Variants in RFX3 observed in about 807,000 individuals in gnomAD.
The protein encoded by RFX3 is regulatory factor X3.
Under a neutral mutation model 98.6 loss-of-function variants are expected in RFX3, and 14 were observed. That is an observed-to-expected ratio of 0.14 (90% CI 0.09 to 0.22). RFX3 has a LOEUF of 0.22. RFX3 is among the 10% of genes least tolerant of loss of function. RFX3 has a pLI of 1.00. For missense variants in RFX3, 639 were observed against 926.9 expected, an observed-to-expected ratio of 0.69 and a Z score of 4.03; for synonymous variants, 383 against 328.4, an observed-to-expected ratio of 1.17 and a Z score of -1.80.
chr9:3,466,794 G>C (rs1224814147), intron 1 of RFX3, among the ~76,000 whole-genome samples: 1 of 151,842 alleles, frequency 6.6e-6, no homozygotes, highest in African/African-American at 2.4e-5. Context: ...CGAAGTCAAA[G>C]ATATTAGATC....
At chr9:3,387,631 T>TA (rs1839861010) in intron 2 of RFX3, among the ~76,000 whole-genome samples, 3 of 152,022 alleles carry the variant, frequency 2.0e-5, no homozygotes, top group Admixed American at 2.0e-4. Context: ...CATTGTCTTT[T>TA]TTTTTTTCAA....
intron 2 of RFX3, among the ~76,000 whole-genome samples, chr9:3,374,002 CGA>C (rs1363707544): frequency 6.6e-6 from 1 of 151,932 alleles, no homozygotes; most frequent in African/African-American, 2.4e-5. Context: ...CGCTTGAACC[CGA>C]GAGGCAGAGG....
rs147937849 is a variant in RFX3 at position 3,413,586 on chromosome 9, G to A, written c.-8-17990C>T. On this transcript the variant is annotated intron_variant, in intron 1 of 16. Transcript: ENST00000617270. ...AAGAAAAATATCTAAAACTACTGCA[G>A]ATCCTAGACACAGTTTCTTTAAAGA... is the stretch of plus-strand genomic sequence containing the variant. 6.8e-3 allele frequency among the ~76,000 whole-genome samples: 1,039 copies of A among 152,154 alleles called. 11 individuals carry two copies. Among genetic ancestry groups the A allele is most frequent in the Admixed American group, 8.6e-3 (131 of 15,268 alleles).
At chr9:3,472,352 A>G (rs1377831615) in intron 1 of RFX3, among the ~76,000 whole-genome samples, 1 of 152,182 alleles carries the variant, frequency 6.6e-6, no homozygotes, top group East Asian at 1.9e-4. Context: ...TTCTTTCTTA[A>G]TTCAATTTTC....
intron 1 of RFX3, among the ~76,000 whole-genome samples, chr9:3,400,500 C>T (rs932031063): frequency 1.2e-4 from 19 of 152,184 alleles, no homozygotes; most frequent in African/African-American, 2.2e-4. Flanking sequence ...CAAATTACTG[C>T]TCATAGGTCT....
intron 2 of RFX3, among the ~76,000 whole-genome samples, chr9:3,353,671 T>C (rs146536945): frequency 9.9e-5 from 15 of 152,146 alleles, no homozygotes; most frequent in African/African-American, 3.6e-4. Context: ...CTTGACAATA[T>C]CTGAATTACA....
At chr9:3,487,318 A>T (rs1850361790) in intron 1 of RFX3, among the ~76,000 whole-genome samples, 1 of 152,228 alleles carries the variant, frequency 6.6e-6, no homozygotes, top group Non-Finnish European at 1.5e-5. Flanking sequence ...AGCCCAAGAC[A>T]TGCTATGTTT....
At chr9:3,371,223 C>G (rs886681585) in intron 2 of RFX3, among the ~76,000 whole-genome samples, 1 of 152,132 alleles carries the variant, frequency 6.6e-6, no homozygotes, top group African/African-American at 2.4e-5. Flanking sequence ...TGTCTCTGTT[C>G]ATAGTGCTAG....
At chr9:3,454,809 T>C (rs1032885629) in intron 1 of RFX3, among the ~76,000 whole-genome samples, 6 of 152,186 alleles carry the variant, frequency 3.9e-5, no homozygotes, top group Admixed American at 1.3e-4. Flanking sequence ...TATCAAATCA[T>C]CTAATCTCAA....
chr9:3,441,522 A>G (rs1375823929), intron 1 of RFX3, among the ~76,000 whole-genome samples: 3 of 152,144 alleles, frequency 2.0e-5, no homozygotes, highest in Non-Finnish European at 4.4e-5. Flanking sequence ...CATAGAAAAT[A>G]AAAGACTCGG....
At chr9:3,275,974 T>TA (rs1423325058) in intron 8 of RFX3, among the ~76,000 whole-genome samples, 6 of 152,044 alleles carry the variant, frequency 3.9e-5, no homozygotes, top group East Asian at 1.9e-4. Context: ...TTTAATTACA[T>TA]AAAAAAACGA....
chr9:3,366,694 CTTTCTTTCT>C (rs1837149747), intron 2 of RFX3, among the ~76,000 whole-genome samples: 1 of 8,304 alleles, frequency 1.2e-4, no homozygotes, highest in African/African-American at 3.3e-4. Context: ...TCTTTCTTTC[CTTTCTTTCT>C]TTCTTTCTTT....
chr9:3,494,352 G>C (rs541500501), intron 1 of RFX3, among the ~76,000 whole-genome samples: 5 of 152,170 alleles, frequency 3.3e-5, no homozygotes, highest in African/African-American at 9.6e-5. Flanking sequence ...ACTTTTGTTG[G>C]GATGTGTTAT....
intron 3 of RFX3, among the ~76,000 whole-genome samples, chr9:3,341,485 G>C (rs1327510660): frequency 6.6e-6 from 1 of 152,076 alleles, no homozygotes; most frequent in Non-Finnish European, 1.5e-5. Context: ...TTGTAATGTG[G>C]AGAAGCAAGT....
intron 1 of RFX3, among the ~76,000 whole-genome samples, chr9:3,504,363 T>C (rs1273844612): frequency 3.0e-5 from 4 of 133,380 alleles, no homozygotes; most frequent in Non-Finnish European, 6.1e-5. Context: ...ATATTGTATA[T>C]AAAATATATA....
intron 1 of RFX3, among the ~76,000 whole-genome samples, chr9:3,421,496 T>TA (rs1313177553): frequency 1.3e-5 from 2 of 152,220 alleles, no homozygotes; most frequent in Non-Finnish European, 2.9e-5. Flanking sequence ...TTTGTAAAAA[T>TA]ATATGACAGA....
At chr9:3,441,185 G>T (rs986571554) in intron 1 of RFX3, among the ~76,000 whole-genome samples, 1 of 152,082 alleles carries the variant, frequency 6.6e-6, no homozygotes, top group African/African-American at 2.4e-5. Flanking sequence ...CTCATTGTTG[G>T]ATAGAGACAT....
intron 1 of RFX3, among the ~76,000 whole-genome samples, chr9:3,423,752 A>G (rs1843658478): frequency 7.1e-6 from 1 of 140,678 alleles, no homozygotes; most frequent in African/African-American, 2.6e-5. Context: ...AAAAGGGTAT[A>G]TTTCATTTTA....
rs1817233789 is a variant in RFX3 at position 3,219,478 on chromosome 9, AG to A, written c.*5563del. 1 of 151,632 alleles carries A rather than the reference AG, an allele frequency of 6.6e-6. No homozygotes were observed. Among genetic ancestry groups the A allele is most frequent in the Non-Finnish European group, 1.5e-5 (1 of 67,920 alleles). 9.4% of individuals were successfully genotyped at this position (151,632 alleles called of 1,614,324 possible). On this transcript the variant is annotated 3_prime_UTR_variant, in exon 17 of 17. Transcript: ENST00000617270. ...AAAAAAAAAACAAAGGAAAGAGGGG[AG>A]AAAAAGAATCAAACCAGAACCAAAT...
Sources: allele counts gnomAD v4.1 joint callset (sites outside exome capture counted in the v4.1 genomes callset), GRCh38; gene constraint gnomAD v4.1.1; transcripts MANE v1.5; gene names NCBI Gene and HGNC (gene_info 2026-07-23, HGNC 2026-07-21).